The following CACNA1C variants were observed in gnomAD, a reference collection of about 807,000 sequenced individuals.
CACNA1C encodes the protein calcium voltage-gated channel subunit alpha1 C.
Under a neutral mutation model 229.0 loss-of-function variants are expected in CACNA1C, and 30 were observed. That is an observed-to-expected ratio of 0.13 (90% confidence interval 0.10 to 0.18). CACNA1C has a LOEUF of 0.18. Among genes scored for constraint, CACNA1C ranks in the 10% least tolerant of loss-of-function variants. CACNA1C has a pLI of 1.00. For synonymous variants in CACNA1C, 1,114 were observed against 1,132.5 expected, an observed-to-expected ratio of 0.98 and a Z score of 0.33; for missense variants, 1,658 against 2,845.0, an observed-to-expected ratio of 0.58 and a Z score of 9.49.
rs2063595672 is a variant in CACNA1C, at chr12:2,077,392, G to GT, written c.49+23782dup. 3.1e-5 allele frequency among the ~76,000 whole-genome samples: 4 copies of GT among 127,970 alleles called. No homozygotes were observed. The Admixed American group carries it at 3.2e-4, about 10-fold the overall frequency. The allele number at this position is 127,970 out of a possible 152,430, so 84.0% of individuals were successfully genotyped here. A position where few individuals can be genotyped will look rare whatever the true frequency, so the allele number is the denominator to read the frequency against. On this transcript the variant is annotated intron_variant, in intron 1 of 46. Coordinates refer to ENST00000399655, the MANE Select transcript of CACNA1C (RefSeq NM_000719.7). Reference sequence around the variant, plus strand: ...TGTTTTATATCACAGTTTTAAATTTGTATTACTTTTTAAAGAGGAAGATGA... The same window carrying GT: ...TGTTTTATATCACAGTTTTAAATTTGTTATTACTTTTTAAAGAGGAAGATGA...
intron 7 of CACNA1C, among the ~76,000 whole-genome samples, chr12:2,501,209 CAAAAAAAAAAA>C (rs59324696): frequency 3.2e-5 from 1 of 31,386 alleles, no homozygotes; most frequent in Non-Finnish European, 5.2e-5. Context: ...GACTCCACCT[CAAAAAAAAAAA>C]AAAAAAAAAA....
intron 8 of CACNA1C, among the ~76,000 whole-genome samples, chr12:2,511,470 T>A (rs1223831017): frequency 6.6e-6 from 1 of 152,192 alleles, no homozygotes; most frequent in Non-Finnish European, 1.5e-5. Context: ...CAAAAAATTC[T>A]CCAAGGTGCT....
chr12:2,192,736 A>G (rs1339411434), intron 3 of CACNA1C, among the ~76,000 whole-genome samples: 2 of 137,232 alleles, frequency 1.5e-5, no homozygotes, highest in African/African-American at 5.4e-5. Flanking sequence ...CCCCTCCTCC[A>G]CACGGTACCT....
At chr12:2,052,888 G>C (rs1305807225), upstream of CACNA1C, 1 of 694,206 alleles carries the variant, frequency 1.4e-6, no homozygotes, top group South Asian at 6.4e-5. Context: ...TCTGCCTCCG[G>C]CGCGCCGGGC....
rs1238334711 is a variant in CACNA1C at position 2,397,366 on chromosome 12, G to A, written c.478-51610G>A. On this transcript the variant is annotated intron_variant, in intron 3 of 46. Coordinates refer to ENST00000399655, the MANE Select transcript of CACNA1C (RefSeq NM_000719.7). ...ATCACTCCAGACTTCACAGGTAAGA[G>A]TGGGAGCTCAGTTGAGTGACAGGCC... Among the ~76,000 whole-genome samples the A allele has an allele frequency of 2.0e-5, 3 of 152,266 alleles. No individual in the cohort carries two copies. In the East Asian group the frequency reaches 5.8e-4, roughly 29 times the overall value.
In CACNA1C at chr12:2,488,428, G is replaced by A. The variant is rs757132685; in HGVS notation, c.916+2166G>A. 2.6e-5 allele frequency among the ~76,000 whole-genome samples: 4 copies of A among 152,168 alleles called. No individual in the cohort carries two copies. Among genetic ancestry groups the A allele is most frequent in the South Asian group, 2.1e-4 (1 of 4,830 alleles). On this transcript the variant is annotated intron_variant, in intron 6 of 46. Transcript: ENST00000399655. The surrounding 1 kb of genome is among the most constrained non-coding windows in gnomAD (Gnocchi z 4.0). The stretch of plus-strand genomic sequence containing the variant: ...GGCCCAGTGAAGAGGTCGCCCCAAC[G>A]CCCCAAGTACCGAACCTGTCATGGC...
At chr12:2,453,689 C>T (rs938039676) in intron 4 of CACNA1C, among the ~76,000 whole-genome samples, 3 of 152,118 alleles carry the variant, frequency 2.0e-5, no homozygotes, top group African/African-American at 7.2e-5. Context: ...AGAAACCTTC[C>T]CACTGTGCCC....
chr12:2,609,396 C>T (rs2239120), intron 27 of CACNA1C, among the ~76,000 whole-genome samples: 93,351 of 151,444 alleles, frequency 0.62, 32,987 homozygotes, highest in Non-Finnish European at 0.78. Context: ...AGGAGCGCAG[C>T]GTGGTGTGCT....
chr12:2,123,343 T>A (rs1382899194), intron 3 of CACNA1C, among the ~76,000 whole-genome samples: 3 of 121,256 alleles, frequency 2.5e-5, no homozygotes, highest in Non-Finnish European at 4.7e-5. Flanking sequence ...GCCACCGCAC[T>A]CCAGCCTGGG....
chr12:2,456,117 G>A (rs7358669), intron 4 of CACNA1C, among the ~76,000 whole-genome samples: 2 of 152,086 alleles, frequency 1.3e-5, no homozygotes, highest in South Asian at 2.1e-4. Context: ...TGTCCATTCC[G>A]CCATATCTCA....
chr12:1,972,220 C>T (rs2032594400), intron 1 of CACNA1C, among the ~76,000 whole-genome samples: 1 of 152,230 alleles, frequency 6.6e-6, no homozygotes, highest in Admixed American at 6.5e-5. Context: ...TTTAAAATTC[C>T]TTCAAACTCC....
intron 15 of CACNA1C, among the ~76,000 whole-genome samples, chr12:2,583,237 G>C (rs1326479736): frequency 1.3e-5 from 2 of 152,238 alleles, no homozygotes; most frequent in African/African-American, 4.8e-5. Flanking sequence ...CACTCACACC[G>C]CCTGCGATAG....
At chr12:2,169,551 C>T (rs1181058246) in intron 3 of CACNA1C, among the ~76,000 whole-genome samples, 1 of 152,176 alleles carries the variant, frequency 6.6e-6, no homozygotes, top group Non-Finnish European at 1.5e-5. Flanking sequence ...GTGTACCTTT[C>T]CATAACAGGT....
chr12:2,115,407 C>G lies in CACNA1C; in HGVS notation c.233C>G (p.Ser78Cys). 1 of 1,612,214 alleles carries G rather than the reference C, an allele frequency of 6.2e-7. No homozygotes were observed. ...AGNATISTVS[S>C]TQRKRQQYGK... The stretch of plus-strand genomic sequence containing the variant: ...AATGCGACCATCTCCACAGTCAGCT[C>G]CACGCAGCGGAAGCGGCAGCAATAT... The change falls in exon 2 of 47, where the codon TCC becomes TGC. Residue 78 changes from serine (S) to cysteine (C), a missense_variant. Coordinates refer to ENST00000399655, the MANE Select transcript of CACNA1C (RefSeq NM_000719.7).
chr12:2,403,303 G>A lies in CACNA1C; in HGVS notation c.478-45673G>A, dbSNP rs1306208731. The stretch of plus-strand genomic sequence containing the variant: ...ACCTTCTGGTCTTGGCCACACAGCT[G>A]ACTAGCTGCTTGTGTCATTGGACGA... On this transcript the variant is annotated intron_variant, in intron 3 of 46. Coordinates refer to ENST00000399655, the MANE Select transcript of CACNA1C (RefSeq NM_000719.7). The surrounding 1 kb of genome is among the most constrained non-coding windows in gnomAD (Gnocchi z 4.1). Among the ~76,000 whole-genome samples, 1 of 152,196 alleles carries A rather than the reference G, an allele frequency of 6.6e-6. No homozygotes were observed. The highest frequency in any genetic ancestry group is 2.4e-5 in the African/African-American group (1 of 41,452).
At chr12:2,622,455 C>T (rs542693546) in intron 29 of CACNA1C, among the ~76,000 whole-genome samples, 8 of 152,246 alleles carry the variant, frequency 5.3e-5, no homozygotes, top group Non-Finnish European at 1.2e-4. Context: ...TGACTCTGCC[C>T]CTCCTTCTCC....
In CACNA1C at chr12:2,254,898, C is replaced by G. The variant is rs962698069; in HGVS notation, c.477+134468C>G. Among the ~76,000 whole-genome samples, 6 of 152,312 alleles carry G rather than the reference C, an allele frequency of 3.9e-5. No individual in the cohort carries two copies. The East Asian group carries it at 7.7e-4, about 20-fold the overall frequency. ...CTCTTCACTTGGATGGCAGTTGAGTCTCTGAAAGAGATTCATCCCGAAGGT... is the reference window on the plus strand; with the variant it reads ...CTCTTCACTTGGATGGCAGTTGAGTGTCTGAAAGAGATTCATCCCGAAGGT... On this transcript the variant is annotated intron_variant, in intron 3 of 46. Transcript: ENST00000399655.
intron 3 of CACNA1C, among the ~76,000 whole-genome samples, chr12:2,373,479 T>C (rs2097924879): frequency 6.6e-6 from 1 of 152,030 alleles, no homozygotes; most frequent in Non-Finnish European, 1.5e-5. Context: ...CCGACTGCCC[T>C]GAGGAGCCTG....
In CACNA1C at chr12:2,479,791, A is replaced by T. The variant is rs1452915616; in HGVS notation, c.758-6313A>T. Among the ~76,000 whole-genome samples, 2 of 152,182 alleles carry T rather than the reference A, an allele frequency of 1.3e-5. No individual in the cohort carries two copies. Among genetic ancestry groups the T allele is most frequent in the Non-Finnish European group, 2.9e-5 (2 of 68,036 alleles). The stretch of plus-strand genomic sequence containing the variant: ...TGACTACATCGGGATTGGGGATATC[A>T]CATGTAGAAGGGGTTTTCCCAGGCT... On this transcript the variant is annotated intron_variant, in intron 5 of 46. Coordinates refer to ENST00000399655, the MANE Select transcript of CACNA1C (RefSeq NM_000719.7). The surrounding 1 kb of genome is among the most constrained non-coding windows in gnomAD (Gnocchi z 4.3).
Sources: allele counts gnomAD v4.1 joint callset (sites outside exome capture counted in the v4.1 genomes callset), GRCh38; gene constraint gnomAD v4.1.1; non-coding constraint Gnocchi (gnomAD v3.1); transcripts MANE v1.5; gene names NCBI Gene and HGNC (gene_info 2026-07-23, HGNC 2026-07-21).